The following ZDHHC14 variants were observed in gnomAD, a reference collection of about 807,000 sequenced individuals.
ZDHHC14 encodes the protein zDHHC palmitoyltransferase 14.
ZDHHC14 carries 16 observed loss-of-function variants against 47.7 expected under a neutral mutation model. That is an observed-to-expected ratio of 0.34 (90% confidence interval 0.23 to 0.51). ZDHHC14 has a LOEUF of 0.51. Among genes scored for constraint, ZDHHC14 ranks in the 20% least tolerant of loss-of-function variants. ZDHHC14 has a pLI of 0.97. For synonymous variants in ZDHHC14, 293 were observed against 278.9 expected, an observed-to-expected ratio of 1.05 and a Z score of -0.50; for missense variants, 515 against 662.5, an observed-to-expected ratio of 0.78 and a Z score of 2.44.
chr6:157,503,432 G>A (rs1780233098), intron 1 of ZDHHC14, among the ~76,000 whole-genome samples: 1 of 152,154 alleles, frequency 6.6e-6, no homozygotes, highest in Admixed American at 6.5e-5. Context: ...CAAGAGATGT[G>A]GGATTCCCTT....
chr6:157,593,244 A>G, intron 3 of ZDHHC14, 98 bp downstream of exon 3: 1 of 1,418,488 alleles, frequency 7.0e-7, no homozygotes, highest in Non-Finnish European at 9.5e-7. Context: ...GTAATGGTTA[A>G]TATTTCAGCG....
chr6:157,460,264 C>A (rs191864099), intron 1 of ZDHHC14, among the ~76,000 whole-genome samples: 215 of 149,746 alleles, frequency 1.4e-3, no homozygotes, highest in South Asian at 4.3e-3. Context: ...CCAAGCATGG[C>A]GGTGTGCACC....
At chr6:157,642,729 G>A (rs1486836207) in intron 5 of ZDHHC14, among the ~76,000 whole-genome samples, 1 of 152,206 alleles carries the variant, frequency 6.6e-6, no homozygotes, top group African/African-American at 2.4e-5. Flanking sequence ...AAAAAAGACG[G>A]TAAATGGGTT....
chr6:157,481,868 T>C (rs1402863895), intron 1 of ZDHHC14, among the ~76,000 whole-genome samples: 4 of 152,196 alleles, frequency 2.6e-5, no homozygotes, highest in Non-Finnish European at 5.9e-5. Context: ...TATCCATCTA[T>C]CTTACTTCTC....
intron 8 of ZDHHC14, among the ~76,000 whole-genome samples, chr6:157,665,753 A>G (rs1562537895): frequency 1.3e-5 from 2 of 152,210 alleles, no homozygotes; most frequent in Admixed American, 1.3e-4. Flanking sequence ...ATTCAGTGTT[A>G]GTGTATCCTC....
chr6:157,451,857 G>T (rs1778811374), intron 1 of ZDHHC14, among the ~76,000 whole-genome samples: 2 of 152,236 alleles, frequency 1.3e-5, no homozygotes, highest in South Asian at 4.1e-4. Context: ...ACTGCGCTCA[G>T]CATCTTGAAT....
chr6:157,648,454 A>G (rs916880239), intron 7 of ZDHHC14, among the ~76,000 whole-genome samples: 2 of 152,042 alleles, frequency 1.3e-5, no homozygotes. Context: ...AAAAAAATCC[A>G]AGCATATATT....
intron 1 of ZDHHC14, among the ~76,000 whole-genome samples, chr6:157,539,379 G>A (rs1781663081): frequency 6.6e-6 from 1 of 152,002 alleles, no homozygotes. Flanking sequence ...ACTCCAGCCT[G>A]GGCAGCAGAG....
At chr6:157,557,317 AC>A (rs1782517430) in intron 2 of ZDHHC14, among the ~76,000 whole-genome samples, 1 of 152,132 alleles carries the variant, frequency 6.6e-6, no homozygotes, top group Non-Finnish European at 1.5e-5. Context: ...CGGGCAGAGG[AC>A]CTGTGCCAGG....
intron 2 of ZDHHC14, among the ~76,000 whole-genome samples, chr6:157,585,612 C>G (rs1021508246): frequency 1.3e-5 from 2 of 152,196 alleles, no homozygotes; most frequent in African/African-American, 4.8e-5. Context: ...GTATGTGAAG[C>G]CCTGGGTTTC....
chr6:157,410,887 G>A (rs955953048), intron 1 of ZDHHC14, among the ~76,000 whole-genome samples: 2 of 152,058 alleles, frequency 1.3e-5, no homozygotes, highest in Non-Finnish European at 2.9e-5. Context: ...AGTAGAGACG[G>A]GGTTTCACCA....
intron 2 of ZDHHC14, among the ~76,000 whole-genome samples, chr6:157,562,593 C>T (rs1241364492): frequency 2.0e-5 from 3 of 152,142 alleles, no homozygotes. Flanking sequence ...TGCTGCCTCT[C>T]GCTGAGGTCA....
At chr6:157,470,522 A>G (rs1779328755) in intron 1 of ZDHHC14, among the ~76,000 whole-genome samples, 1 of 152,260 alleles carries the variant, frequency 6.6e-6, no homozygotes, top group South Asian at 2.1e-4. Flanking sequence ...AAAGGTATCC[A>G]TTGACCACAA....
intron 1 of ZDHHC14, among the ~76,000 whole-genome samples, chr6:157,415,479 G>T (rs1019172673): frequency 6.6e-6 from 1 of 152,238 alleles, no homozygotes; most frequent in African/African-American, 2.4e-5. Context: ...GAACAGGTGG[G>T]ATGTGCTCCA....
chr6:157,677,679 TG>T lies in ZDHHC14; in HGVS notation c.*4558del, dbSNP rs1778991217. 6.6e-6 allele frequency: 1 copy of T among 151,794 alleles called. No homozygotes were observed. The highest frequency in any genetic ancestry group is 1.5e-5 in the Non-Finnish European group (1 of 68,000). The allele number at this position is 151,794 out of a possible 1,614,324, so 9.4% of individuals were successfully genotyped here. ...TGCAGAGACTTTTCTACCCAGGAAG[TG>T]TTGAATTTTTAAAAGAAACTTGATA... On this transcript the variant is annotated 3_prime_UTR_variant, in exon 9 of 9. Coordinates refer to ENST00000359775, the MANE Select transcript of ZDHHC14 (RefSeq NM_024630.3).
intron 2 of ZDHHC14, among the ~76,000 whole-genome samples, chr6:157,549,616 C>G (rs1782139222): frequency 6.6e-6 from 1 of 152,166 alleles, no homozygotes; most frequent in South Asian, 2.1e-4. Context: ...GTCAGGGTGG[C>G]AGCTCGGGAT....
chr6:157,419,348 G>GT (rs1554256593), intron 1 of ZDHHC14, among the ~76,000 whole-genome samples: 1 of 152,164 alleles, frequency 6.6e-6, no homozygotes, highest in Non-Finnish European at 1.5e-5. Flanking sequence ...ATACAAAATA[G>GT]TTTTTTCATA....
chr6:157,648,780 C>T (rs910348127), intron 7 of ZDHHC14, among the ~76,000 whole-genome samples: 15 of 152,342 alleles, frequency 9.8e-5, no homozygotes, highest in African/African-American at 3.1e-4. Flanking sequence ...CAGAAAGTCT[C>T]TCAGGCAATG....
intron 1 of ZDHHC14, among the ~76,000 whole-genome samples, chr6:157,420,661 T>A (rs950004347): frequency 2.0e-5 from 3 of 152,202 alleles, no homozygotes; most frequent in African/African-American, 7.2e-5. Context: ...AGTAATGACT[T>A]CCCTTCCTTC....
Sources: gnomAD v4.1 joint callset for allele counts (sites outside exome capture counted in the v4.1 genomes callset) on GRCh38, gnomAD v4.1.1 for gene constraint, MANE v1.5 for transcripts, NCBI Gene and HGNC (gene_info 2026-07-23, HGNC 2026-07-21) for gene names.